Variants in ENTHD1 observed in about 807,000 individuals in gnomAD.
ENTHD1 encodes ENTH domain-containing protein 1.
Under a neutral mutation model 39.1 loss-of-function variants are expected in ENTHD1, and 23 were observed. The ratio of observed to expected loss-of-function variants is 0.59; its 90% CI spans 0.42 to 0.83. ENTHD1 has a LOEUF of 0.83. Ranked by LOEUF, ENTHD1 falls within the 40% of genes least tolerant of loss-of-function variation. The pLI, the probability that ENTHD1 is intolerant of heterozygous loss-of-function variation, is 0.00. For synonymous variants in ENTHD1, 230 were observed against 258.2 expected, an observed-to-expected ratio of 0.89 and a Z score of 1.05; for missense variants, 624 against 705.4, an observed-to-expected ratio of 0.88 and a Z score of 1.31.
At position 39,874,294 on chromosome 22, in the gene ENTHD1, C is replaced by T. The variant is rs377371927; in HGVS notation, c.350-12287G>A. The T allele has an allele frequency of 2.6e-5, 4 of 152,296 alleles. No homozygotes were observed. The East Asian group carries it at 7.7e-4, about 29-fold the overall frequency. 9.4% of individuals were successfully genotyped at this position (152,296 alleles called of 1,614,324 possible). ...CTTCATGAAAATTACCAACTTAAAA[C>T]TATTTTTACCCCATGTTCTCCTACA... is the stretch of plus-strand genomic sequence containing the variant. On this transcript the variant is annotated intron_variant, in intron 2 of 6. Coordinates refer to ENST00000325157, the MANE Select transcript of ENTHD1 (RefSeq NM_152512.4).
intron 6 of ENTHD1, among the ~76,000 whole-genome samples, chr22:39,755,778 C>G (rs2065180016): frequency 6.6e-6 from 1 of 152,058 alleles, no homozygotes; most frequent in Non-Finnish European, 1.5e-5. Flanking sequence ...TTACACTTAT[C>G]CTATCACCAG....
intron 5 of ENTHD1, among the ~76,000 whole-genome samples, chr22:39,806,666 G>C (rs1358119548): frequency 6.6e-6 from 1 of 152,108 alleles, no homozygotes; most frequent in Non-Finnish European, 1.5e-5. Context: ...AGTGGCTTTG[G>C]TTTGATGGTG....
At chr22:39,815,818 G>T (rs1281154647) in intron 5 of ENTHD1, among the ~76,000 whole-genome samples, 2 of 151,998 alleles carry the variant, frequency 1.3e-5, no homozygotes, top group South Asian at 2.1e-4. Flanking sequence ...AAATAAATAG[G>T]TGAATCTTAA....
chr22:39,826,106 C>T (rs141430147), intron 4 of ENTHD1, among the ~76,000 whole-genome samples: 103 of 152,320 alleles, frequency 6.8e-4, no homozygotes, highest in African/African-American at 2.5e-3. Context: ...TGGTCTCAAA[C>T]TCCTGGCCTC....
At chr22:39,808,977 C>T (rs1171997097) in intron 5 of ENTHD1, among the ~76,000 whole-genome samples, 2 of 152,186 alleles carry the variant, frequency 1.3e-5, no homozygotes, top group Non-Finnish European at 2.9e-5. Flanking sequence ...GTCTTAATGT[C>T]AACCACATAA....
Position 39,797,207 on chromosome 22 carries a change from T to C in ENTHD1, c.832+23786A>G, listed in dbSNP as rs367545300. Among the ~76,000 whole-genome samples, 15 of 152,356 alleles carry C rather than the reference T, an allele frequency of 9.8e-5. No individual in the cohort carries two copies. The South Asian group carries it at 1.7e-3, about 17-fold the overall frequency. ...TGCTCAATTTTGGTTTCCATCAGCATGAAATATCTTTTTCCAACCCCTTAA... is the reference window on the plus strand; with the variant it reads ...TGCTCAATTTTGGTTTCCATCAGCACGAAATATCTTTTTCCAACCCCTTAA... On this transcript the variant is annotated intron_variant, in intron 5 of 6. Coordinates refer to ENST00000325157, the MANE Select transcript of ENTHD1 (RefSeq NM_152512.4).
At chr22:39,754,648 G>A (rs907197447) in intron 6 of ENTHD1, among the ~76,000 whole-genome samples, 3 of 152,144 alleles carry the variant, frequency 2.0e-5, no homozygotes, top group Non-Finnish European at 2.9e-5. Context: ...AGGCCCTCCA[G>A]ATGGGGTGAG....
rs140185391 is a variant in ENTHD1, at chr22:39,824,279, G to A, written c.712-3166C>T. On this transcript the variant is annotated intron_variant, in intron 4 of 6. Coordinates refer to ENST00000325157, the MANE Select transcript of ENTHD1 (RefSeq NM_152512.4). ...GGCTGGAGTGCAACGGCACGATCTC[G>A]GCTCACTGCAACCTCCGCCTCCAGG... 8.4e-3 allele frequency among the ~76,000 whole-genome samples: 1,069 copies of A among 126,572 alleles called. 15 individuals are homozygous for A. The highest frequency in any genetic ancestry group is 0.031 in the African/African-American group (1,025 of 32,832). 83.0% of individuals were successfully genotyped at this position (126,572 alleles called of 152,430 possible). A position where few individuals can be genotyped will look rare whatever the true frequency, so the allele number is the denominator to read the frequency against.
chr22:39,821,953 C>T (rs919148195), intron 4 of ENTHD1, among the ~76,000 whole-genome samples: 113 of 152,196 alleles, frequency 7.4e-4, no homozygotes, highest in African/African-American at 2.7e-3. Context: ...CTCCTAATAC[C>T]ATCACTTTGG....
chr22:39,783,830 G>A (rs536249820), intron 5 of ENTHD1, among the ~76,000 whole-genome samples: 1 of 152,246 alleles, frequency 6.6e-6, no homozygotes, highest in South Asian at 2.1e-4. Context: ...TCTAGGACAT[G>A]GGCCTGGGCA....
intron 4 of ENTHD1, among the ~76,000 whole-genome samples, chr22:39,825,068 A>C (rs1373266392): frequency 1.3e-5 from 2 of 152,170 alleles, no homozygotes; most frequent in African/African-American, 4.8e-5. Context: ...ATAGGTCTCT[A>C]TTTGGGTCCT....
intron 2 of ENTHD1, among the ~76,000 whole-genome samples, chr22:39,870,443 T>G (rs1287420611): frequency 6.6e-6 from 1 of 151,620 alleles, no homozygotes; most frequent in Admixed American, 6.6e-5. Flanking sequence ...CAAAAGAAAA[T>G]TAAGGTAATA....
chr22:39,851,783 C>T (rs948397952), intron 3 of ENTHD1, among the ~76,000 whole-genome samples: 2 of 152,192 alleles, frequency 1.3e-5, no homozygotes, highest in African/African-American at 4.8e-5. Flanking sequence ...CTTCAGCTCA[C>T]ATGTACTGTT....
intron 4 of ENTHD1, among the ~76,000 whole-genome samples, chr22:39,822,472 T>G (rs2065790899): frequency 6.6e-6 from 1 of 152,166 alleles, no homozygotes; most frequent in African/African-American, 2.4e-5. Context: ...TATGTATACT[T>G]TTGTGTCTGG....
At chr22:39,832,477 G>A (rs1036580005) in intron 4 of ENTHD1, among the ~76,000 whole-genome samples, 4 of 152,120 alleles carry the variant, frequency 2.6e-5, no homozygotes, top group African/African-American at 9.7e-5. Flanking sequence ...AAATGACAGA[G>A]TAATCCAATG....
At chr22:39,848,258 A>ATT (rs879735521) in intron 3 of ENTHD1, among the ~76,000 whole-genome samples, 11 of 145,570 alleles carry the variant, frequency 7.6e-5, no homozygotes, top group African/African-American at 2.5e-4. Flanking sequence ...TAATTAATTA[A>ATT]TTTTTTTTTT....
intron 5 of ENTHD1, among the ~76,000 whole-genome samples, chr22:39,817,116 A>G (rs2065740100): frequency 6.6e-6 from 1 of 152,176 alleles, no homozygotes; most frequent in Non-Finnish European, 1.5e-5. Context: ...AGGCTTGAAA[A>G]CATCAAGTGT....
intron 2 of ENTHD1, among the ~76,000 whole-genome samples, chr22:39,876,349 G>A (rs1177180327): frequency 2.0e-5 from 3 of 152,068 alleles, no homozygotes; most frequent in East Asian, 1.9e-4. Flanking sequence ...AAGGTACAAC[G>A]TCTTTTAGCT....
At position 39,816,648 on chromosome 22, in the gene ENTHD1, G is replaced by A. The variant is rs976720667; in HGVS notation, c.832+4345C>T. ...CCATTGCCCTTATCTAAAACCATTC[G>A]CAAATACTTTAAATGCACATGGATT... On this transcript the variant is annotated intron_variant, in intron 5 of 6. Coordinates refer to ENST00000325157, the MANE Select transcript of ENTHD1 (RefSeq NM_152512.4). Among the ~76,000 whole-genome samples the A allele has an allele frequency of 4.6e-5, 7 of 151,922 alleles. No homozygotes were observed. In the South Asian group the frequency reaches 6.2e-4, roughly 14 times the overall value.
Sources: allele counts gnomAD v4.1 joint callset (sites outside exome capture counted in the v4.1 genomes callset), GRCh38; gene constraint gnomAD v4.1.1; transcripts MANE v1.5; gene names NCBI Gene and HGNC (gene_info 2026-07-23, HGNC 2026-07-21).